The following STK40 variants were observed in gnomAD, a reference collection of about 807,000 sequenced individuals.
STK40 encodes the protein serine/threonine kinase 40.
In STK40, 13 loss-of-function variants were observed where a neutral mutation model predicts 47.9. That is an observed-to-expected ratio of 0.27 (90% CI 0.18 to 0.43). STK40 has a LOEUF of 0.43. Ranked by LOEUF, STK40 falls within the 20% of genes least tolerant of loss-of-function variation. STK40 has a pLI of 1.00. For synonymous variants in STK40, 225 were observed against 243.2 expected, an observed-to-expected ratio of 0.93 and a Z score of 0.69; for missense variants, 460 against 595.1, an observed-to-expected ratio of 0.77 and a Z score of 2.36.
intron 4 of STK40, among the ~76,000 whole-genome samples, chr1:36,356,927 T>C (rs1646811179): frequency 6.6e-6 from 1 of 152,222 alleles, no homozygotes. Context: ...ATTTCATGTT[T>C]ATGGGGATAC....
At chr1:36,353,666 A>T (rs1646778270) in intron 6 of STK40, among the ~76,000 whole-genome samples, 1 of 152,218 alleles carries the variant, frequency 6.6e-6, no homozygotes, top group Non-Finnish European at 1.5e-5. Context: ...GACAGCAGAC[A>T]TTCAGTGACT....
chr1:36,361,143 T>C (rs935002166), intron 2 of STK40, 78 bp downstream of exon 2: 3 of 1,555,332 alleles, frequency 1.9e-6, no homozygotes, highest in Admixed American at 3.4e-5. Context: ...CTGATGTCTG[T>C]AGGTCAGATC....
chr1:36,373,765 T>A (rs1192606683), intron 1 of STK40, among the ~76,000 whole-genome samples: 1 of 152,218 alleles, frequency 6.6e-6, no homozygotes, highest in Non-Finnish European at 1.5e-5. Context: ...TAGCTCCAAT[T>A]TGTCAAGAAT....
At position 36,339,994 on chromosome 1, in the gene STK40, G is replaced by C. The variant is rs1646630695; in HGVS notation, c.*1761C>G. Reference sequence around the variant, plus strand: ...GGCCCAGCTTCAGGCCCTCACAGGAGGACAGTCAAGGGCTGGGAGCCCTAG... The same window carrying C: ...GGCCCAGCTTCAGGCCCTCACAGGACGACAGTCAAGGGCTGGGAGCCCTAG... On this transcript the variant is annotated 3_prime_UTR_variant, in exon 11 of 11. Coordinates refer to ENST00000373132, the MANE Select transcript of STK40 (RefSeq NM_001282547.2). The C allele has an allele frequency of 6.6e-6, 1 of 152,340 alleles. No homozygotes were observed. The highest frequency in any genetic ancestry group is 6.5e-5 in the Admixed American group (1 of 15,290). 9.4% of individuals were successfully genotyped at this position (152,340 alleles called of 1,614,324 possible). A position where few individuals can be genotyped will look rare whatever the true frequency, so the allele number is the denominator to read the frequency against.
intron 1 of STK40, among the ~76,000 whole-genome samples, chr1:36,369,605 T>C (rs1339475786): frequency 6.6e-6 from 1 of 152,190 alleles, no homozygotes; most frequent in African/African-American, 2.4e-5. Flanking sequence ...CACTGAAATG[T>C]CACCTGCTGC....
chr1:36,372,292 C>T (rs1165673371), intron 1 of STK40, among the ~76,000 whole-genome samples: 1 of 151,738 alleles, frequency 6.6e-6, no homozygotes, highest in East Asian at 1.9e-4. Flanking sequence ...AAAGCTGGCA[C>T]AGCTGGTAGA....
chr1:36,361,084 G>T, intron 2 of STK40, 137 bp downstream of exon 2: 1 of 959,628 alleles, frequency 1.0e-6, no homozygotes, highest in Non-Finnish European at 1.6e-6. Flanking sequence ...TAGGGACCAA[G>T]CCTGGGGCAG....
At chr1:36,377,319 G>A (rs1183380489) in intron 1 of STK40, among the ~76,000 whole-genome samples, 1 of 151,538 alleles carries the variant, frequency 6.6e-6, no homozygotes, top group African/African-American at 2.4e-5. Flanking sequence ...CATATCATGA[G>A]GTCAGGAGTT....
intron 10 of STK40, chr1:36,342,346 G>C (rs1324405712): frequency 1.8e-5 from 5 of 283,322 alleles, no homozygotes; most frequent in African/African-American, 8.8e-5. Context: ...GCCCTGGGCT[G>C]GGGGCGCAGC....
At position 36,340,475 on chromosome 1, in the gene STK40, C is replaced by T. The variant is rs1198262930; in HGVS notation, c.*1280G>A. 6.6e-6 allele frequency: 1 copy of T among 152,654 alleles called. No homozygotes were observed. The highest frequency in any genetic ancestry group is 1.5e-5 in the Non-Finnish European group (1 of 68,128). 9.5% of individuals were successfully genotyped at this position (152,654 alleles called of 1,614,324 possible). A position where few individuals can be genotyped will look rare whatever the true frequency, so the allele number is the denominator to read the frequency against. ...GGCCCATGACTGCCTGGAGGGGACA[C>T]TCAGCCTCTCTGAGGACATATGGGG... On this transcript the variant is annotated 3_prime_UTR_variant, in exon 11 of 11. Coordinates refer to ENST00000373132, the MANE Select transcript of STK40 (RefSeq NM_001282547.2).
At chr1:36,363,357 T>C (rs1204740701) in intron 1 of STK40, among the ~76,000 whole-genome samples, 1 of 152,030 alleles carries the variant, frequency 6.6e-6, no homozygotes, top group Non-Finnish European at 1.5e-5. Flanking sequence ...TACATCTCAA[T>C]AAAGCTGTAA....
chr1:36,354,240 TG>T, intron 6 of STK40, 123 bp downstream of exon 6: 1 of 1,024,858 alleles, frequency 9.8e-7, no homozygotes, highest in African/African-American at 1.6e-5. Flanking sequence ...CTGGGATTCC[TG>T]GAGGAAGTGG....
rs1175617254 is a variant in STK40, at chr1:36,370,934, T to A, written c.-8-9594A>T. 2.6e-5 allele frequency among the ~76,000 whole-genome samples: 4 copies of A among 151,598 alleles called. No homozygotes were observed. The East Asian group carries it at 7.8e-4, about 30-fold the overall frequency. ...CTCTGTCACCCAGGCTGGAGTGCAG[T>A]GGCAAGATGTCGGCTCACTGCAACC... On this transcript the variant is annotated intron_variant, in intron 1 of 10. Transcript: ENST00000373132.
At position 36,379,398 on chromosome 1, in the gene STK40, CTT is replaced by C. The variant is rs55738958; in HGVS notation, c.-9+6323_-9+6324del. On this transcript the variant is annotated intron_variant, in intron 1 of 10. Transcript: ENST00000373132. ...AATGAACACCGTTGGGTTGTAGCCT[CTT>C]TTTTTTTTTTTTTTGAAACGGAGTC... Among the ~76,000 whole-genome samples the C allele has an allele frequency of 6.1e-3, 844 of 138,822 alleles. 7 individuals are homozygous for C. The highest frequency in any genetic ancestry group is 0.021 in the African/African-American group (781 of 37,372). 91.1% of individuals were successfully genotyped at this position (138,822 alleles called of 152,430 possible). A position where few individuals can be genotyped will look rare whatever the true frequency, so the allele number is the denominator to read the frequency against.
At chr1:36,364,188 T>C (rs1646881715) in intron 1 of STK40, among the ~76,000 whole-genome samples, 1 of 152,130 alleles carries the variant, frequency 6.6e-6, no homozygotes, top group Non-Finnish European at 1.5e-5. Flanking sequence ...AATATACATC[T>C]TGTCATACTT....
chr1:36,349,479 C>G (rs1406600800), intron 6 of STK40, among the ~76,000 whole-genome samples: 1 of 152,194 alleles, frequency 6.6e-6, no homozygotes, highest in East Asian at 1.9e-4. Context: ...GGATCCAAGA[C>G]CAGGTCTGCA....
Position 36,341,744 on chromosome 1 carries a change from G to C in STK40, c.*11C>G. The C allele has an allele frequency of 6.2e-7, 1 of 1,609,058 alleles. No individual in the cohort carries two copies. The highest frequency in any genetic ancestry group is 1.1e-5 in the South Asian group (1 of 90,876). On this transcript the variant is annotated 3_prime_UTR_variant, in exon 11 of 11. Transcript: ENST00000373132. ...AAGTGGCAGCAGTGCTGGTGGCCCC[G>C]GCTGAGGCTGTTATTTCCGCAGGTA...
At chr1:36,351,440 T>C in intron 6 of STK40, among the ~76,000 whole-genome samples, 1 of 151,468 alleles carries the variant, frequency 6.6e-6, no homozygotes, top group African/African-American at 2.4e-5. Flanking sequence ...GAGGTGAGAG[T>C]GGGGCCCCAG....
intron 6 of STK40, 102 bp downstream of exon 6, chr1:36,354,262 G>T: frequency 7.6e-7 from 1 of 1,312,066 alleles, no homozygotes. Context: ...GTTGTTTTGA[G>T]TCGGAATCCT....
Sources: allele counts gnomAD v4.1 joint callset (sites outside exome capture counted in the v4.1 genomes callset), GRCh38; gene constraint gnomAD v4.1.1; transcripts MANE v1.5; gene names NCBI Gene and HGNC (gene_info 2026-07-23, HGNC 2026-07-21).